The following GLMN variants were observed in gnomAD, a reference collection of about 807,000 sequenced individuals.
The protein encoded by GLMN is glomulin.
GLMN carries 75 observed loss-of-function variants against 87.8 expected under a neutral mutation model. The observed-to-expected ratio is 0.85, with a 90% CI of 0.71 to 1.04. GLMN has a LOEUF of 1.04. GLMN is among the 50% of genes least tolerant of loss of function. GLMN has a pLI of 0.00. For synonymous variants in GLMN, 206 were observed against 221.6 expected (o/e 0.93, Z 0.63); for missense variants, 588 against 658.8 (o/e 0.89, Z 1.18).
the GLMN span, among the ~76,000 whole-genome samples, chr1:92,305,935 G>A: frequency 6.6e-6 from 1 of 152,054 alleles, no homozygotes; most frequent in Middle Eastern, 3.4e-3. Context: ...CTATTCCTTG[G>A]TATAAACCCT....
chr1:92,350,151 A>C, the GLMN span, among the ~76,000 whole-genome samples: 4 of 152,152 alleles, frequency 2.6e-5, no homozygotes, highest in Admixed American at 6.5e-5. Context: ...TGCAACATTT[A>C]TTGATATTTA....
At chr1:92,294,201 C>A (rs1265281546) in intron 3 of GLMN, among the ~76,000 whole-genome samples, 1 of 152,118 alleles carries the variant, frequency 6.6e-6, no homozygotes, top group Non-Finnish European at 1.5e-5. Context: ...TATATCAAAA[C>A]ATCTCATGTA....
upstream of GLMN, chr1:92,301,642 C>T: frequency 1.3e-6 from 1 of 749,282 alleles, no homozygotes; most frequent in Non-Finnish European, 2.1e-6. Context: ...ATCTTTAAAT[C>T]TGTGCAGCAT....
the GLMN span, among the ~76,000 whole-genome samples, chr1:92,342,012 G>C: frequency 6.6e-6 from 1 of 152,144 alleles, no homozygotes; most frequent in African/African-American, 2.4e-5. Context: ...TAGCTCCTTT[G>C]GCTATATGCT....
At chr1:92,347,508 G>A in the GLMN span, among the ~76,000 whole-genome samples, 1 of 152,286 alleles carries the variant, frequency 6.6e-6, no homozygotes, top group South Asian at 2.1e-4. Flanking sequence ...GCCACTTACT[G>A]AAAGTATTAT....
At chr1:92,331,645 T>G in the GLMN span, among the ~76,000 whole-genome samples, 4 of 152,188 alleles carry the variant, frequency 2.6e-5, no homozygotes, top group African/African-American at 9.6e-5. Flanking sequence ...TGTTCTGTTA[T>G]TGGATATTTT....
At chr1:92,368,599 G>A in the GLMN span, among the ~76,000 whole-genome samples, 1 of 152,072 alleles carries the variant, frequency 6.6e-6, no homozygotes, top group Non-Finnish European at 1.5e-5. Context: ...TAAATCCTTG[G>A]ATAGAAGGTT....
intron 7 of GLMN, among the ~76,000 whole-genome samples, chr1:92,273,538 C>T (rs1321273998): frequency 1.3e-5 from 2 of 151,546 alleles, no homozygotes; most frequent in Non-Finnish European, 2.9e-5. Flanking sequence ...TTGACTTCCC[C>T]AGGCTCAAGC....
intron 7 of GLMN, among the ~76,000 whole-genome samples, chr1:92,281,496 T>A (rs1411336849): frequency 1.3e-5 from 2 of 152,188 alleles, no homozygotes; most frequent in African/African-American, 4.8e-5. Context: ...GAACGACCGG[T>A]ACCAGCTACT....
chr1:92,261,261 T>C (rs1655010067), intron 16 of GLMN, among the ~76,000 whole-genome samples: 1 of 152,264 alleles, frequency 6.6e-6, no homozygotes, highest in South Asian at 2.1e-4. Flanking sequence ...TGTTTGCCCT[T>C]GTGCAAGTTA....
chr1:92,333,799 G>A, the GLMN span, among the ~76,000 whole-genome samples: 4 of 152,124 alleles, frequency 2.6e-5, no homozygotes, highest in Non-Finnish European at 4.4e-5. Flanking sequence ...ACTGATTTGC[G>A]GTAAATGTGT....
At chr1:92,301,533 A>G, upstream of GLMN, 4 of 1,597,240 alleles carry the variant, frequency 2.5e-6, no homozygotes, top group Non-Finnish European at 3.4e-6. Flanking sequence ...GAAAAGCTCT[A>G]CATATTGTTG....
the GLMN span, among the ~76,000 whole-genome samples, chr1:92,312,810 CT>C: frequency 1.3e-3 from 182 of 143,338 alleles, no homozygotes; most frequent in African/African-American, 2.0e-3. Flanking sequence ...CCCAAATGTT[CT>C]TTTTTTTTTT....
chr1:92,370,116 C>T, the GLMN span, among the ~76,000 whole-genome samples: 1 of 152,116 alleles, frequency 6.6e-6, no homozygotes, highest in African/African-American at 2.4e-5. Flanking sequence ...AACTCCTGGC[C>T]AAAAGTGATC....
chr1:92,247,575 T>G (rs1232180738), intron 17 of GLMN, among the ~76,000 whole-genome samples: 2 of 152,004 alleles, frequency 1.3e-5, no homozygotes, highest in Non-Finnish European at 2.9e-5. Flanking sequence ...TACTTGAGAG[T>G]GAGATGGAGA....
At chr1:92,291,773 G>A (rs752622750) in intron 3 of GLMN, among the ~76,000 whole-genome samples, 78 of 152,088 alleles carry the variant, frequency 5.1e-4, no homozygotes, top group Non-Finnish European at 9.6e-4. Flanking sequence ...TTTTTATCAG[G>A]CAAGTTGGTG....
At chr1:92,291,578 A>G in intron 3 of GLMN, 41 bp from the exon 4 acceptor site, 1 of 1,603,682 alleles carries the variant, frequency 6.2e-7, no homozygotes, top group Non-Finnish European at 8.5e-7. Context: ...ACTGCCATCT[A>G]TAGGACTCTC....
chr1:92,289,006 T>G lies in GLMN; in HGVS notation c.540A>C (p.Leu180Phe). The change falls in exon 6 of 19, where the codon TTA (leucine) becomes TTC (phenylalanine). Residue 180 changes from leucine (L) to phenylalanine (F), a missense_variant. Physicochemically the swap from Leu to Phe is conservative, Grantham distance 22 (BLOSUM62 0). Coordinates refer to ENST00000370360, the MANE Select transcript of GLMN (RefSeq NM_053274.3). The part of the protein sequence containing the change: ...DYGLCQCCKA[L>F]IEFTKPFVEE... ...CCACAAAAGGCTTAGTGAACTCTATTAAGGCCTTGCAACACTGACAAAGGC... is the reference window on the plus strand; with the variant it reads ...CCACAAAAGGCTTAGTGAACTCTATGAAGGCCTTGCAACACTGACAAAGGC... 1 of 1,612,492 alleles carries G rather than the reference T, an allele frequency of 6.2e-7. No individual in the cohort carries two copies. The highest frequency in any genetic ancestry group is 1.3e-5 in the African/African-American group (1 of 75,024).
At chr1:92,348,757 T>A in the GLMN span, among the ~76,000 whole-genome samples, 1 of 152,198 alleles carries the variant, frequency 6.6e-6, no homozygotes, top group Admixed American at 6.5e-5. Flanking sequence ...AAAATACATA[T>A]TCATCATGTT....
Sources: gnomAD v4.1 joint callset for allele counts (sites outside exome capture counted in the v4.1 genomes callset) on GRCh38, gnomAD v4.1.1 for gene constraint, MANE v1.5 for transcripts, NCBI Gene and HGNC (gene_info 2026-07-23, HGNC 2026-07-21) for gene names.